PIEZO2: variants seen among roughly 807,000 people sequenced by gnomAD.
PIEZO2 encodes piezo type mechanosensitive ion channel component 2.
In PIEZO2, 172 loss-of-function variants were observed where a neutral mutation model predicts 337.3. The observed-to-expected ratio is 0.51, with a 90% CI of 0.45 to 0.58. The LOEUF (loss-of-function observed/expected upper bound fraction) is 0.58, where lower values mean the gene tolerates loss of function less well. Among genes scored for constraint, PIEZO2 ranks in the 20% least tolerant of loss-of-function variants. The pLI is 0.00. For missense variants in PIEZO2, 3,028 were observed against 3,391.3 expected, an observed-to-expected ratio of 0.89 and a Z score of 2.66; for synonymous variants, 1,251 against 1,228.5, an observed-to-expected ratio of 1.02 and a Z score of -0.38.
chr18:11,060,622 T>C (rs1164158797), intron 2 of PIEZO2, among the ~76,000 whole-genome samples: 2 of 152,108 alleles, frequency 1.3e-5, no homozygotes, highest in East Asian at 1.9e-4. Context: ...GAGAATACTA[T>C]AAACACCTCT....
chr18:10,890,442 T>C (rs1037344311), intron 4 of PIEZO2: 4 of 152,216 alleles, frequency 2.6e-5, no homozygotes, highest in African/African-American at 7.2e-5. Context: ...ACATACCCAA[T>C]ACTGGGTTTA....
chr18:10,677,728 T>C lies in PIEZO2; in HGVS notation c.8081+19A>G. 4.4e-6 allele frequency: 7 copies of C among 1,605,162 alleles called. No individual in the cohort carries two copies. Among genetic ancestry groups the C allele is most frequent in the Non-Finnish European group, 5.9e-6 (7 of 1,177,822 alleles). On this transcript the variant is annotated intron_variant, in intron 53 of 55. Transcript: ENST00000674853. The surrounding 1 kb of genome is among the most constrained non-coding windows in gnomAD (Gnocchi z 4.1). ...CATATACCTAACAAAGCTCTATTAG[T>C]AGGAAAAAATACACTTACACTGGTG...
rs1011927022 is a variant in PIEZO2 at position 10,853,265 on chromosome 18, C to A, written c.917+2088G>T. On this transcript the variant is annotated intron_variant, in intron 7 of 55. Transcript: ENST00000674853. This position sits in a 1 kb window ranked among gnomAD's most constrained non-coding sequence, Gnocchi z 4.2. ...TCAGGGGAAAAGGGGCCCAAGACCC[C>A]GGAATCAAGCCAATGTATAAAACCC... Among the ~76,000 whole-genome samples, 2 of 152,316 alleles carry A rather than the reference C, an allele frequency of 1.3e-5. No individual in the cohort carries two copies. Among genetic ancestry groups the A allele is most frequent in the East Asian group, 1.9e-4 (1 of 5,178 alleles).
intron 2 of PIEZO2, among the ~76,000 whole-genome samples, chr18:11,014,781 GGGGAACATGTCACCC>G (rs2036045601): frequency 6.8e-6 from 1 of 146,142 alleles, no homozygotes; most frequent in African/African-American, 2.6e-5. Flanking sequence ...ATTCCTCAGT[GGGGAACATGTCACCC>G]TGGGTGGGAC....
Position 11,043,443 on chromosome 18 carries a change from A to T in PIEZO2, c.160+22684T>A, listed in dbSNP as rs565244944. Reference sequence around the variant, plus strand: ...TTGTTGTATGTCTGAAATTCAAACAATTTATCTGGCAATCATAACTACAAC... The same window carrying T: ...TTGTTGTATGTCTGAAATTCAAACATTTTATCTGGCAATCATAACTACAAC... On this transcript the variant is annotated intron_variant, in intron 2 of 55. Coordinates refer to ENST00000674853, the MANE Select transcript of PIEZO2 (RefSeq NM_001378183.1). 2.0e-5 allele frequency among the ~76,000 whole-genome samples: 3 copies of T among 152,308 alleles called. No individual in the cohort carries two copies. The East Asian group carries it at 5.8e-4, about 29-fold the overall frequency.
chr18:11,085,485 A>T (rs938647780), intron 1 of PIEZO2, among the ~76,000 whole-genome samples: 2 of 152,154 alleles, frequency 1.3e-5, no homozygotes, highest in African/African-American at 2.4e-5. Flanking sequence ...GGCAAAATGC[A>T]GCTCCAAGCC....
chr18:10,942,393 A>T lies in PIEZO2; in HGVS notation c.287-31165T>A, dbSNP rs2145256680. On this transcript the variant is annotated intron_variant, in intron 3 of 55. Coordinates refer to ENST00000674853, the MANE Select transcript of PIEZO2 (RefSeq NM_001378183.1). The surrounding 1 kb of genome is among the most constrained non-coding windows in gnomAD (Gnocchi z 4.4). The stretch of plus-strand genomic sequence containing the variant: ...GATATGAGCAATGAAATCCAGGCTG[A>T]GGTGGTCTCAGATGTAGATGAGGAA... 6.6e-6 allele frequency among the ~76,000 whole-genome samples: 1 copy of T among 152,314 alleles called. No individual in the cohort carries two copies. Among genetic ancestry groups the T allele is most frequent in the South Asian group, 2.1e-4 (1 of 4,824 alleles).
At chr18:10,671,865 T>C (rs2033794740) in intron 55 of PIEZO2, 86 bp from the exon 56 acceptor site, 2 of 1,229,822 alleles carry the variant, frequency 1.6e-6, no homozygotes, top group Admixed American at 5.4e-5. Context: ...AAAATATTAC[T>C]TTCCCTCAAA....
chr18:10,797,929 C>G (rs1264633482), intron 11 of PIEZO2, among the ~76,000 whole-genome samples: 1 of 152,216 alleles, frequency 6.6e-6, no homozygotes, highest in Non-Finnish European at 1.5e-5. Context: ...TTTAAAAAGA[C>G]TGTGGTTTTC....
intron 3 of PIEZO2, among the ~76,000 whole-genome samples, chr18:10,934,781 T>G (rs2032291947): frequency 6.6e-6 from 1 of 152,204 alleles, no homozygotes; most frequent in South Asian, 2.1e-4. Context: ...TCTTGAGACC[T>G]GACCCAGCAG....
In PIEZO2 at chr18:10,746,695, C is replaced by T. The variant is rs980144062; in HGVS notation, c.4424+1776G>A. On this transcript the variant is annotated intron_variant, in intron 30 of 55. Transcript: ENST00000674853. The surrounding 1 kb of genome is among the most constrained non-coding windows in gnomAD (Gnocchi z 4.2). ...GAGCCCTCATGAATGGGATTACTAT[C>T]TTTATAAAAGAAGCCCAAGGGGGGT... Among the ~76,000 whole-genome samples, 13 of 152,130 alleles carry T rather than the reference C, an allele frequency of 8.5e-5. No individual in the cohort carries two copies. The highest frequency in any genetic ancestry group is 8.5e-4 in the Admixed American group (13 of 15,270).
rs552928697 is a variant in PIEZO2, at chr18:10,788,182, G to A, written c.2169+897C>T. 3.4e-4 allele frequency among the ~76,000 whole-genome samples: 51 copies of A among 152,160 alleles called. 1 individual carries two copies. In the South Asian group the frequency reaches 0.01, roughly 30 times the overall value. ...TCTGGAAGGCCGAGGAGGGCAGATC[G>A]CTTGAAGCCAGGAGTTTGAAACCAG... On this transcript the variant is annotated intron_variant, in intron 15 of 55. Coordinates refer to ENST00000674853, the MANE Select transcript of PIEZO2 (RefSeq NM_001378183.1).
In PIEZO2 at chr18:10,680,252, T is replaced by G; in HGVS notation, c.7899A>C (p.Glu2633Asp). 2.5e-6 allele frequency: 4 copies of G among 1,613,986 alleles called. No homozygotes were observed. In the South Asian group the frequency reaches 4.4e-5, roughly 18 times the overall value. The change falls in exon 52 of 56, where the codon GAA becomes GAC. Residue 2633 changes from glutamate (E) to aspartate (D), a missense_variant. Coordinates refer to ENST00000674853, the MANE Select transcript of PIEZO2 (RefSeq NM_001378183.1). ...AGAAGCTACTATTGGGGTCCAGGAG[T>G]TCGTGTATCATTTTCTGCTTACTGG... is the stretch of plus-strand genomic sequence containing the variant. ...SPPSKQKMIH[E>D]LLDPNSSFSV... is the part of the protein sequence containing the mutation.
At chr18:11,103,789 G>A (rs1020344691) in intron 1 of PIEZO2, among the ~76,000 whole-genome samples, 310 of 126,370 alleles carry the variant, frequency 2.5e-3, no homozygotes, top group African/African-American at 0.012. Context: ...TGCTGGTCGT[G>A]TGTGTGTGTG....
chr18:10,975,820 A>G (rs2034421577), intron 3 of PIEZO2, among the ~76,000 whole-genome samples: 1 of 152,184 alleles, frequency 6.6e-6, no homozygotes, highest in South Asian at 2.1e-4. Context: ...TTGAATTTGA[A>G]TACTACTTGA....
chr18:11,055,117 A>G (rs1264920406), intron 2 of PIEZO2, among the ~76,000 whole-genome samples: 1 of 147,656 alleles, frequency 6.8e-6, no homozygotes, highest in African/African-American at 2.5e-5. Context: ...AGGCTGAGGC[A>G]GGAGAATGGC....
intron 3 of PIEZO2, among the ~76,000 whole-genome samples, chr18:10,928,996 AG>A (rs2031924454): frequency 6.6e-6 from 1 of 152,222 alleles, no homozygotes; most frequent in Non-Finnish European, 1.5e-5. Flanking sequence ...ATGCATTAAC[AG>A]GAGAGAGAAA....
Position 10,787,030 on chromosome 18 carries a change from A to T in PIEZO2, c.2318+6T>A. 1 of 1,527,850 alleles carries T rather than the reference A, an allele frequency of 6.5e-7. No individual in the cohort carries two copies. Among genetic ancestry groups the T allele is most frequent in the Non-Finnish European group, 8.8e-7 (1 of 1,141,928 alleles). The allele number at this position is 1,527,850 out of a possible 1,614,324, so 94.6% of individuals were successfully genotyped here. On this transcript the variant is annotated splice_donor_region_variant and intron_variant, in intron 16 of 55. Coordinates refer to ENST00000674853, the MANE Select transcript of PIEZO2 (RefSeq NM_001378183.1). ...TGTTCATCATTTTCAACTCAAAATC[A>T]CTTACTTTTCTTTTTTCAGTCCAGT...
intron 2 of PIEZO2, among the ~76,000 whole-genome samples, chr18:11,020,605 T>C (rs1464667432): frequency 6.6e-6 from 1 of 152,202 alleles, no homozygotes; most frequent in African/African-American, 2.4e-5. Flanking sequence ...AACTCCCCAG[T>C]AATTGCAGAG....
Sources: gnomAD v4.1 joint callset for allele counts (sites outside exome capture counted in the v4.1 genomes callset) on GRCh38, gnomAD v4.1.1 for gene constraint, Gnocchi (gnomAD v3.1) non-coding constraint, MANE v1.5 for transcripts, NCBI Gene and HGNC (gene_info 2026-07-23, HGNC 2026-07-21) for gene names.